Variants in ACOT7 observed in about 807,000 individuals in gnomAD.
The protein encoded by ACOT7 is acyl-CoA thioesterase 7.
ACOT7 carries 12 observed loss-of-function variants against 40.2 expected under a neutral mutation model. The ratio of observed to expected loss-of-function variants is 0.30; its 90% CI spans 0.19 to 0.48. The LOEUF is 0.48. Among genes scored for constraint, ACOT7 ranks in the 20% least tolerant of loss-of-function variants. The pLI, the probability that ACOT7 is intolerant of heterozygous loss-of-function variation, is 0.99. For missense variants in ACOT7, 395 were observed against 530.8 expected (o/e 0.74, Z 2.51); for synonymous variants, 228 against 219.5 (o/e 1.04, Z -0.34).
intron 1 of ACOT7, among the ~76,000 whole-genome samples, chr1:6,367,788 T>C (rs1376427790): frequency 6.6e-6 from 1 of 152,198 alleles, no homozygotes; most frequent in Admixed American, 6.5e-5. Flanking sequence ...AGAAGGGGCA[T>C]GTTTCAGCCC....
At chr1:6,297,431 G>A (rs977378092) in intron 6 of ACOT7, among the ~76,000 whole-genome samples, 1 of 152,198 alleles carries the variant, frequency 6.6e-6, no homozygotes, top group African/African-American at 2.4e-5. Flanking sequence ...GTCACGTTTA[G>A]GGTGGGAATC....
At chr1:6,361,100 G>T (rs1188263531) in intron 1 of ACOT7, among the ~76,000 whole-genome samples, 1 of 152,100 alleles carries the variant, frequency 6.6e-6, no homozygotes, top group Non-Finnish European at 1.5e-5. Context: ...ACCACGGATG[G>T]GTAGGTAAAC....
chr1:6,379,223 AG>A (rs1259131469), intron 1 of ACOT7, among the ~76,000 whole-genome samples: 3 of 151,822 alleles, frequency 2.0e-5, no homozygotes, highest in Admixed American at 2.0e-4. Flanking sequence ...TCTGTCCTCC[AG>A]GTCAGAGATA....
At position 6,352,033 on chromosome 1, in the gene ACOT7, C is replaced by G. The variant is rs149753642; in HGVS notation, c.144-2167G>C. Among the ~76,000 whole-genome samples, 386 of 152,288 alleles carry G rather than the reference C, an allele frequency of 2.5e-3. No individual in the cohort carries two copies. The highest frequency in any genetic ancestry group is 8.6e-3 in the African/African-American group (359 of 41,550). ...CAGACCGCACGCCAGCTGGCTACCA[C>G]GGGCCTGGCCGCCTTTCTTCGGCAC... is the stretch of plus-strand genomic sequence containing the variant. On this transcript the variant is annotated intron_variant, in intron 1 of 8. Coordinates refer to ENST00000361521, the MANE Select transcript of ACOT7 (RefSeq NM_007274.4). This position sits in a 1 kb window ranked among gnomAD's most constrained non-coding sequence, Gnocchi z 4.5.
intron 6 of ACOT7, among the ~76,000 whole-genome samples, chr1:6,307,287 G>A (rs1571293113): frequency 6.6e-6 from 1 of 152,360 alleles, no homozygotes; most frequent in South Asian, 2.1e-4. Context: ...TCCTCTGGGT[G>A]GGGCTGACTG....
Position 6,282,706 on chromosome 1 carries a change from A to C in ACOT7, c.830-1420T>G, listed in dbSNP as rs1012189425. On this transcript the variant is annotated intron_variant, in intron 7 of 8. Coordinates refer to ENST00000361521, the MANE Select transcript of ACOT7 (RefSeq NM_007274.4). This position sits in a 1 kb window ranked among gnomAD's most constrained non-coding sequence, Gnocchi z 4.5. ...AAAGTATCAGAACGATCCATGCTAC[A>C]TTCAACTTCATACTTACAGGGAGCA... 2 of 1,302,612 alleles carry C rather than the reference A, an allele frequency of 1.5e-6. No homozygotes were observed. The highest frequency in any genetic ancestry group is 4.6e-5 in the Admixed American group (2 of 43,580). The allele number at this position is 1,302,612 out of a possible 1,614,324, so 80.7% of individuals were successfully genotyped here.
intron 2 of ACOT7, among the ~76,000 whole-genome samples, chr1:6,343,098 G>A (rs1641318484): frequency 6.6e-6 from 1 of 152,150 alleles, no homozygotes; most frequent in Non-Finnish European, 1.5e-5. Context: ...GAGGGGCCTG[G>A]GCCAGCTCCG....
chr1:6,365,491 C>A (rs939473290), intron 1 of ACOT7, among the ~76,000 whole-genome samples: 28 of 152,064 alleles, frequency 1.8e-4, no homozygotes, highest in African/African-American at 5.3e-4. Context: ...TTATTGCAAT[C>A]GGGCATGGTG....
rs1460347978 is a variant in ACOT7 at position 6,278,154 on chromosome 1, A to G, written c.1014+2948T>C. Among the ~76,000 whole-genome samples, 1 of 152,052 alleles carries G rather than the reference A, an allele frequency of 6.6e-6. No homozygotes were observed. The highest frequency in any genetic ancestry group is 1.5e-5 in the Non-Finnish European group (1 of 67,996). ...CTAGAGCGGTTGTGGGTGCCCTTCTAAGGAAAAAACGTCTGAGAAGTGCTG... is the reference window on the plus strand; with the variant it reads ...CTAGAGCGGTTGTGGGTGCCCTTCTGAGGAAAAAACGTCTGAGAAGTGCTG... On this transcript the variant is annotated intron_variant, in intron 8 of 8. Coordinates refer to ENST00000361521, the MANE Select transcript of ACOT7 (RefSeq NM_007274.4). The surrounding 1 kb of genome is among the most constrained non-coding windows in gnomAD (Gnocchi z 4.1).
chr1:6,264,280 A>C lies in ACOT7; in HGVS notation c.*317T>G. ...CACCCAGGACACGTGGGTCCAGCCA[A>C]GCAGCAGCTTTATTAGTGGTGCTGG... On this transcript the variant is annotated 3_prime_UTR_variant, in exon 9 of 9. Transcript: ENST00000361521. The C allele has an allele frequency of 3.3e-6, 1 of 302,982 alleles. No homozygotes were observed. The allele number at this position is 302,982 out of a possible 1,614,324, so 18.8% of individuals were successfully genotyped here.
intron 1 of ACOT7, among the ~76,000 whole-genome samples, chr1:6,364,263 G>A (rs903443318): frequency 6.6e-5 from 10 of 152,020 alleles, no homozygotes; most frequent in Non-Finnish European, 5.9e-5. Flanking sequence ...AATTATCGGC[G>A]AGGTGTGGTG....
rs1042341250 is a variant in ACOT7, at chr1:6,282,049, C to G, written c.830-763G>C. On this transcript the variant is annotated intron_variant, in intron 7 of 8. Transcript: ENST00000361521. This position sits in a 1 kb window ranked among gnomAD's most constrained non-coding sequence, Gnocchi z 4.5. ...AGTCACCAGTTCCCATACATTGTTCCCATGTCCCTCTCTCCCCCTCAACCC... is the reference window on the plus strand; with the variant it reads ...AGTCACCAGTTCCCATACATTGTTCGCATGTCCCTCTCTCCCCCTCAACCC... Among the ~76,000 whole-genome samples, 1 of 149,064 alleles carries G rather than the reference C, an allele frequency of 6.7e-6. No individual in the cohort carries two copies. The highest frequency in any genetic ancestry group is 1.5e-5 in the Non-Finnish European group (1 of 67,920).
At chr1:6,345,274 G>A (rs962189829) in intron 2 of ACOT7, among the ~76,000 whole-genome samples, 7 of 152,230 alleles carry the variant, frequency 4.6e-5, no homozygotes, top group Admixed American at 1.3e-4. Flanking sequence ...CACACGGCCC[G>A]TGAGGCACAG....
At chr1:6,348,498 A>G (rs575335329) in intron 2 of ACOT7, among the ~76,000 whole-genome samples, 1 of 152,280 alleles carries the variant, frequency 6.6e-6, no homozygotes, top group East Asian at 1.9e-4. Context: ...TGGTAGTAGA[A>G]GGCAGGGTCT....
intron 1 of ACOT7, among the ~76,000 whole-genome samples, chr1:6,364,846 C>CA (rs770975001): frequency 0.045 from 1,690 of 37,408 alleles, 114 homozygotes; most frequent in African/African-American, 0.075. Flanking sequence ...GACTCCATCT[C>CA]AAAAAAAAAA....
chr1:6,344,763 CAAAAA>C (rs58594477), intron 2 of ACOT7, among the ~76,000 whole-genome samples: 3 of 56,026 alleles, frequency 5.4e-5, no homozygotes, highest in South Asian at 6.7e-4. Context: ...GACTCTGTCT[CAAAAA>C]AAAAAAAAAA....
intron 6 of ACOT7, among the ~76,000 whole-genome samples, chr1:6,296,285 T>C (rs1488488559): frequency 6.6e-6 from 1 of 152,212 alleles, no homozygotes; most frequent in Non-Finnish European, 1.5e-5. Flanking sequence ...ACTGAAAGAA[T>C]ACTGGAGAAT....
At chr1:6,344,788 A>G (rs909328057) in intron 2 of ACOT7, among the ~76,000 whole-genome samples, 3 of 149,224 alleles carry the variant, frequency 2.0e-5, no homozygotes, top group African/African-American at 7.6e-5. Flanking sequence ...AAAAAAAAAA[A>G]AAGAAAAGAA....
chr1:6,281,537 C>T (rs908756784), intron 7 of ACOT7, among the ~76,000 whole-genome samples: 18 of 152,240 alleles, frequency 1.2e-4, no homozygotes, highest in Admixed American at 3.9e-4. Flanking sequence ...GAGTTCAAGC[C>T]CCCGCCCAGG....
Sources: gnomAD v4.1 joint callset for allele counts (sites outside exome capture counted in the v4.1 genomes callset) on GRCh38, gnomAD v4.1.1 for gene constraint, Gnocchi (gnomAD v3.1) non-coding constraint, MANE v1.5 for transcripts, NCBI Gene and HGNC (gene_info 2026-07-23, HGNC 2026-07-21) for gene names.